Variants in JADE1 observed in about 807,000 individuals in gnomAD.
The protein encoded by JADE1 is jade family PHD finger 1.
A neutral mutation model predicts 81.8 loss-of-function variants in JADE1; 14 were observed. The observed-to-expected ratio is 0.17, with a 90% confidence interval of 0.11 to 0.27. JADE1 has a LOEUF of 0.27. Among genes scored for constraint, JADE1 ranks in the 10% least tolerant of loss-of-function variants. The pLI, the probability that JADE1 is intolerant of heterozygous loss-of-function variation, is 1.00. For synonymous variants in JADE1, 353 were observed against 391.9 expected (o/e 0.90, Z 1.17); for missense variants, 690 against 1,047.9 (o/e 0.66, Z 4.71).
chr4:128,838,138 A>G (rs1206389027), intron 2 of JADE1, among the ~76,000 whole-genome samples: 1 of 152,208 alleles, frequency 6.6e-6, no homozygotes, highest in South Asian at 2.1e-4. Flanking sequence ...GGCAGGGTCC[A>G]TGCTCATGGT....
At chr4:128,842,629 A>G (rs1471834073) in intron 2 of JADE1, among the ~76,000 whole-genome samples, 1 of 152,176 alleles carries the variant, frequency 6.6e-6, no homozygotes, top group Non-Finnish European at 1.5e-5. Context: ...ATTTAGCAGC[A>G]TGAGACTTTG....
chr4:128,842,302 C>G (rs1045415646), intron 2 of JADE1, among the ~76,000 whole-genome samples: 1 of 149,952 alleles, frequency 6.7e-6, no homozygotes, highest in Admixed American at 6.6e-5. Context: ...TCTTTTCTTT[C>G]TTTCTTTTTT....
chr4:128,861,900 C>A lies in JADE1; in HGVS notation c.1178C>A (p.Pro393His). 3.7e-6 allele frequency: 6 copies of A among 1,614,108 alleles called. No individual in the cohort carries two copies. The highest frequency in any genetic ancestry group is 2.7e-5 in the African/African-American group (2 of 75,056). ...AQENGAPECS[P>H]RNPLEPFASL... ...GAGAATGGGGCCCCTGAGTGTTCCCCCCGGAATCCGCTGGAGCCCTTTGCC... is the reference window on the plus strand; with the variant it reads ...GAGAATGGGGCCCCTGAGTGTTCCCACCGGAATCCGCTGGAGCCCTTTGCC... The change falls in exon 9 of 11, where the codon CCC (proline) becomes CAC (histidine). Residue 393 changes from proline to histidine, a missense_variant. Pro to His is a moderately conservative substitution (Grantham distance 77). This residue lies in a region of JADE1 where 77 missense variants were observed against 76.4 expected (regional missense o/e 1.01). Coordinates refer to ENST00000226319, the MANE Select transcript of JADE1 (RefSeq NM_199320.4).
intron 2 of JADE1, among the ~76,000 whole-genome samples, chr4:128,833,326 C>T (rs1015859906): frequency 3.3e-5 from 5 of 152,110 alleles, no homozygotes; most frequent in African/African-American, 9.7e-5. Flanking sequence ...CCCTGTGTGG[C>T]GCCTATCAAA....
Position 128,872,242 on chromosome 4 carries a change from A to G in JADE1, c.2509A>G (p.Arg837Gly). ...TISRRTDIIR[R>G]SILAS ...CAGCAGAAGGACAGACATTATCAGG[A>G]GAAGCATCTTGGCTTCTTGATGCAA... Residue 837 changes from arginine to glycine, a missense_variant, in exon 11 of 11, where the codon AGA becomes GGA. By Grantham distance (125) the Arg-to-Gly change is moderately radical. Coordinates refer to ENST00000226319, the MANE Select transcript of JADE1 (RefSeq NM_199320.4). The G allele has an allele frequency of 6.2e-7, 1 of 1,613,640 alleles. No individual in the cohort carries two copies. The highest frequency in any genetic ancestry group is 8.5e-7 in the Non-Finnish European group (1 of 1,179,546).
At chr4:128,835,292 C>T (rs573397395) in intron 2 of JADE1, among the ~76,000 whole-genome samples, 1 of 152,274 alleles carries the variant, frequency 6.6e-6, no homozygotes, top group African/African-American at 2.4e-5. Context: ...TGTCCACGCT[C>T]AATGATTTGA....
chr4:128,862,732 C>T lies in JADE1; in HGVS notation c.1503+507C>T, dbSNP rs566749711. The T allele has an allele frequency of 5.2e-5, 52 of 1,003,510 alleles. 1 individual carries two copies. In the South Asian group the frequency reaches 2.0e-3, roughly 38 times the overall value. The allele number at this position is 1,003,510 out of a possible 1,614,324, so 62.2% of individuals were successfully genotyped here. On this transcript the variant is annotated intron_variant, in intron 9 of 10. Transcript: ENST00000226319. The stretch of plus-strand genomic sequence containing the variant: ...GAAGCTAAGCACGGCTGCTCACTGG[C>T]CCCCACTTTGTTTCTTGGGTAATTC...
chr4:128,868,382 A>G (rs1277831010), intron 10 of JADE1, among the ~76,000 whole-genome samples: 1 of 152,234 alleles, frequency 6.6e-6, no homozygotes, highest in African/African-American at 2.4e-5. Context: ...CTCTATCTGT[A>G]ACATGGTAAA....
intron 8 of JADE1, among the ~76,000 whole-genome samples, chr4:128,859,497 GTA>G (rs1171155038): frequency 1.3e-5 from 2 of 151,680 alleles, no homozygotes; most frequent in African/African-American, 4.9e-5. Flanking sequence ...GTATGCATGT[GTA>G]TGTGTGTATG....
intron 2 of JADE1, among the ~76,000 whole-genome samples, chr4:128,836,912 G>A (rs1003956540): frequency 6.6e-6 from 1 of 152,042 alleles, no homozygotes; most frequent in Non-Finnish European, 1.5e-5. Flanking sequence ...TTATATATAT[G>A]TAGCAAATGG....
intron 2 of JADE1, among the ~76,000 whole-genome samples, chr4:128,834,629 G>T (rs1728831007): frequency 6.6e-6 from 1 of 150,634 alleles, no homozygotes; most frequent in Non-Finnish European, 1.5e-5. Flanking sequence ...CTGCCTCCTG[G>T]GTTCACACCA....
At chr4:128,847,917 G>T (rs1217836626) in intron 4 of JADE1, among the ~76,000 whole-genome samples, 1 of 152,164 alleles carries the variant, frequency 6.6e-6, no homozygotes, top group Non-Finnish European at 1.5e-5. Flanking sequence ...TTGAGGCCTG[G>T]GGTCTGTGAT....
At chr4:128,853,243 G>T (rs1039422821) in intron 6 of JADE1, among the ~76,000 whole-genome samples, 1 of 152,198 alleles carries the variant, frequency 6.6e-6, no homozygotes, top group Admixed American at 6.5e-5. Context: ...TTCAGAGTGA[G>T]CTCATCTTAA....
rs1579172067 is a variant in JADE1, at chr4:128,843,008, C to T, written c.108C>T (p.Cys36=). 1 of 1,614,072 alleles carries T rather than the reference C, an allele frequency of 6.2e-7. No individual in the cohort carries two copies. The highest frequency in any genetic ancestry group is 8.5e-7 in the Non-Finnish European group (1 of 1,179,924). The part of the protein sequence containing the change: ...NSRSQHRRSS[C]SRHEDRKPSE... ...GATCCCAGCATAGGAGAAGCTCCTG[C>T]TCCAGACATGAAGATCGAAAGCCTT... The change falls in exon 3 of 11, where the codon TGC becomes TGT. Residue 36 remains cysteine, a synonymous_variant. Coordinates refer to ENST00000226319, the MANE Select transcript of JADE1 (RefSeq NM_199320.4).
At chr4:128,811,901 T>C (rs1726441193) in intron 1 of JADE1, 1 of 150,500 alleles carries the variant, frequency 6.6e-6, no homozygotes, top group Admixed American at 6.6e-5. Context: ...CCGAGCCCGC[T>C]CGGAGCTCCT....
chr4:128,840,502 G>A (rs1729341565), intron 2 of JADE1, among the ~76,000 whole-genome samples: 1 of 152,130 alleles, frequency 6.6e-6, no homozygotes, highest in Non-Finnish European at 1.5e-5. Flanking sequence ...CCCTTCCCCA[G>A]ACCTTCTGAT....
At chr4:128,821,825 G>A (rs1464877787) in intron 1 of JADE1, among the ~76,000 whole-genome samples, 1 of 152,062 alleles carries the variant, frequency 6.6e-6, no homozygotes, top group African/African-American at 2.4e-5. Flanking sequence ...CCCAGCCTGT[G>A]TATAGTTTAA....
chr4:128,821,070 T>C (rs1387710327), intron 1 of JADE1, among the ~76,000 whole-genome samples: 2 of 152,234 alleles, frequency 1.3e-5, no homozygotes, highest in Non-Finnish European at 2.9e-5. Flanking sequence ...TAGAGTTTGA[T>C]ATGAAGTGTG....
At chr4:128,828,091 G>T (rs2125819316) in intron 1 of JADE1, among the ~76,000 whole-genome samples, 1 of 152,264 alleles carries the variant, frequency 6.6e-6, no homozygotes, top group African/African-American at 2.4e-5. Context: ...TTTCCTGTCT[G>T]CCCAACTAGG....
Sources: allele counts gnomAD v4.1 joint callset (sites outside exome capture counted in the v4.1 genomes callset), GRCh38; gene constraint gnomAD v4.1.1; regional missense constraint gnomAD v4.1.1; transcripts MANE v1.5; gene names NCBI Gene and HGNC (gene_info 2026-07-23, HGNC 2026-07-21).